SHE: variants seen among roughly 807,000 people sequenced by gnomAD.
SHE encodes the protein Src homology 2 domain containing E.
A neutral mutation model predicts 49.8 loss-of-function variants in SHE; 11 were observed. The ratio of observed to expected loss-of-function variants is 0.22; its 90% CI spans 0.14 to 0.37. SHE has a LOEUF of 0.37. Among genes scored for constraint, SHE ranks in the 10% least tolerant of loss-of-function variants. SHE has a pLI of 1.00. For missense variants in SHE, 624 were observed against 655.5 expected (o/e 0.95, Z 0.52); for synonymous variants, 310 against 278.1 (o/e 1.11, Z -1.14).
intron 3 of SHE, 48 bp downstream of exon 3, chr1:154,489,003 C>T: frequency 6.6e-7 from 1 of 1,512,266 alleles, no homozygotes; most frequent in Non-Finnish European, 8.8e-7. Context: ...GATGCGGTGG[C>T]CAGAAGACTG....
intron 3 of SHE, 70 bp downstream of exon 3, chr1:154,488,981 A>C (rs552284585): frequency 6.7e-7 from 1 of 1,494,204 alleles, no homozygotes; most frequent in African/African-American, 1.4e-5. Flanking sequence ...GGAAAAAAAC[A>C]AATGTGGGGC....
At chr1:154,488,044 A>G (rs1692237456) in intron 3 of SHE, among the ~76,000 whole-genome samples, 1 of 149,768 alleles carries the variant, frequency 6.7e-6, no homozygotes, top group South Asian at 2.1e-4. Context: ...GGTTCAAGCA[A>G]TTCTCCTGTC....
chr1:154,490,251 A>G (rs936973490), intron 2 of SHE, among the ~76,000 whole-genome samples: 2 of 152,228 alleles, frequency 1.3e-5, no homozygotes, highest in Admixed American at 6.5e-5. Flanking sequence ...TATAGGGAAA[A>G]CCAGTAATAA....
intron 2 of SHE, among the ~76,000 whole-genome samples, chr1:154,498,139 C>A (rs997502492): frequency 2.0e-5 from 3 of 152,090 alleles, no homozygotes; most frequent in Non-Finnish European, 4.4e-5. Flanking sequence ...GTTGCCCAGG[C>A]TGGAGTGCAA....
intron 2 of SHE, among the ~76,000 whole-genome samples, chr1:154,494,958 A>C (rs1045491591): frequency 6.6e-6 from 1 of 152,248 alleles, no homozygotes; most frequent in African/African-American, 2.4e-5. Context: ...AGGCTGAGGC[A>C]GGAGAATCAC....
downstream of SHE, chr1:154,479,418 G>T: frequency 2.5e-6 from 2 of 805,354 alleles, no homozygotes; most frequent in Non-Finnish European, 3.0e-6. Context: ...TCTTACCATG[G>T]GAAGTATTTT....
At chr1:154,496,938 CT>C (rs975362706) in intron 2 of SHE, among the ~76,000 whole-genome samples, 50 of 149,514 alleles carry the variant, frequency 3.3e-4, no homozygotes, top group Non-Finnish European at 3.3e-4. Context: ...AAGCATAAAA[CT>C]TTTTTTTTTA....
intron 1 of SHE, among the ~76,000 whole-genome samples, chr1:154,472,978 A>T (rs1321530274): frequency 1.3e-5 from 2 of 152,100 alleles, no homozygotes; most frequent in African/African-American, 4.8e-5. Flanking sequence ...CCTGGACAAC[A>T]TAGTGAGACC....
chr1:154,496,520 T>C (rs1416085241), intron 2 of SHE, among the ~76,000 whole-genome samples: 1 of 152,234 alleles, frequency 6.6e-6, no homozygotes, highest in African/African-American at 2.4e-5. Flanking sequence ...GGGTGAAGTT[T>C]ACAGTGGTTT....
At position 154,480,051 on chromosome 1, in the gene SHE, G is replaced by C; in HGVS notation, c.*4098C>G. 1.0e-6 allele frequency: 1 copy of C among 985,490 alleles called. No homozygotes were observed. The highest frequency in any genetic ancestry group is 1.2e-6 in the Non-Finnish European group (1 of 829,956). The allele number at this position is 985,490 out of a possible 1,614,324, so 61.0% of individuals were successfully genotyped here. A position where few individuals can be genotyped will look rare whatever the true frequency, so the allele number is the denominator to read the frequency against. On this transcript the variant is annotated 3_prime_UTR_variant, in exon 6 of 6. Coordinates refer to ENST00000304760, the MANE Select transcript of SHE (RefSeq NM_001010846.3). Reference sequence around the variant, plus strand: ...CCATCTCTCTTCACACAGGGTCAGCGGTGGAGGGTAAGTTGAACAGAAGGC... The same window carrying C: ...CCATCTCTCTTCACACAGGGTCAGCCGTGGAGGGTAAGTTGAACAGAAGGC...
intron 1 of SHE, among the ~76,000 whole-genome samples, chr1:154,471,910 C>T (rs569036928): frequency 2.0e-5 from 3 of 152,268 alleles, no homozygotes; most frequent in East Asian, 1.9e-4. Context: ...CAGTGGCTCA[C>T]GCCTGTAATC....
intron 2 of SHE, 30 bp downstream of exon 2, chr1:154,499,082 G>T (rs767566759): frequency 3.1e-6 from 5 of 1,611,106 alleles, no homozygotes; most frequent in Non-Finnish European, 4.2e-6. Flanking sequence ...TGAGATTTCA[G>T]TCTCTATTCT....
chr1:154,481,913 G>T lies in SHE; in HGVS notation c.*2236C>A. 1 of 554,812 alleles carries T rather than the reference G, an allele frequency of 1.8e-6. No homozygotes were observed. Among genetic ancestry groups the T allele is most frequent in the East Asian group, 1.5e-4 (1 of 6,844 alleles). The allele number at this position is 554,812 out of a possible 1,614,324, so 34.4% of individuals were successfully genotyped here. A position where few individuals can be genotyped will look rare whatever the true frequency, so the allele number is the denominator to read the frequency against. ...CACTCAGGCTGGAGTGCAATGGTGC[G>T]ATCATGGCTCGCTGCAGCCTTGACC... On this transcript the variant is annotated 3_prime_UTR_variant, in exon 6 of 6. Transcript: ENST00000304760.
chr1:154,472,115 A>G (rs6669229), intron 1 of SHE, among the ~76,000 whole-genome samples: 110,890 of 151,372 alleles, frequency 0.73, 41,234 homozygotes, highest in East Asian at 0.84. Flanking sequence ...AGAGGTTGCA[A>G]TGAGCACTCT....
At chr1:154,487,660 T>C (rs1417312232) in intron 3 of SHE, among the ~76,000 whole-genome samples, 3 of 151,774 alleles carry the variant, frequency 2.0e-5, no homozygotes, top group African/African-American at 4.8e-5. Flanking sequence ...AAGACCCACC[T>C]GGGCAGCACA....
In SHE at chr1:154,486,185, T is replaced by C. The variant is rs1263377263; in HGVS notation, c.1182-123A>G. On this transcript the variant is annotated intron_variant, in intron 4 of 5. Transcript: ENST00000304760. ...CTGGCAGAGACGCAACAGCCTGAAC[T>C]AGATCCTGCTTCACATTCAGAACAG... is the stretch of plus-strand genomic sequence containing the variant. The C allele has an allele frequency of 3.1e-6, 4 of 1,306,904 alleles. No individual in the cohort carries two copies. In the East Asian group the frequency reaches 9.6e-5, roughly 31 times the overall value. The allele number at this position is 1,306,904 out of a possible 1,614,324, so 81.0% of individuals were successfully genotyped here.
At chr1:154,477,448 C>T (rs114220736), downstream of SHE, among the ~76,000 whole-genome samples, 8 of 152,208 alleles carry the variant, frequency 5.3e-5, no homozygotes, top group South Asian at 8.3e-4. Flanking sequence ...TCAAGTGATC[C>T]GCCTACTTTG....
chr1:154,495,019 T>A (rs1692482125), intron 2 of SHE, among the ~76,000 whole-genome samples: 1 of 152,212 alleles, frequency 6.6e-6, no homozygotes, highest in Non-Finnish European at 1.5e-5. Flanking sequence ...ACCACTGCAC[T>A]CCAGCCTGGG....
At chr1:154,496,903 G>A (rs1478557816) in intron 2 of SHE, among the ~76,000 whole-genome samples, 2 of 151,902 alleles carry the variant, frequency 1.3e-5, no homozygotes, top group African/African-American at 4.8e-5. Context: ...AAAAACCCAA[G>A]GACAAAGAAA....
Sources: gnomAD v4.1 joint callset for allele counts (sites outside exome capture counted in the v4.1 genomes callset) on GRCh38, gnomAD v4.1.1 for gene constraint, MANE v1.5 for transcripts, NCBI Gene and HGNC (gene_info 2026-07-23, HGNC 2026-07-21) for gene names.